FGF7: variants seen among roughly 807,000 people sequenced by gnomAD.
FGF7 encodes fibroblast growth factor 7.
Under a neutral mutation model 20.5 loss-of-function variants are expected in FGF7, and 6 were observed. The observed-to-expected ratio is 0.29, with a 90% CI of 0.16 to 0.58. The LOEUF is 0.58. Ranked by LOEUF, FGF7 falls within the 20% of genes least tolerant of loss-of-function variation. The probability of loss-of-function intolerance (pLI) is 0.90; values close to 1 mark genes in which losing one functional copy is unlikely to be tolerated. For synonymous variants in FGF7, 64 were observed against 74.7 expected, an observed-to-expected ratio of 0.86 and a Z score of 0.74; for missense variants, 144 against 228.8, an observed-to-expected ratio of 0.63 and a Z score of 2.39.
chr15:49,456,139 TTTGA>T (rs1392486666), intron 2 of FGF7, among the ~76,000 whole-genome samples: 2 of 152,170 alleles, frequency 1.3e-5, no homozygotes, highest in Non-Finnish European at 2.9e-5. Flanking sequence ...GTTAAACACA[TTTGA>T]TTGAGATTTT....
Position 49,486,146 on chromosome 15 carries a change from T to C in FGF7, c.*1642T>C, listed in dbSNP as rs1463470988. 2.0e-5 allele frequency: 3 copies of C among 152,096 alleles called. No individual in the cohort carries two copies. Among genetic ancestry groups the C allele is most frequent in the Non-Finnish European group, 4.4e-5 (3 of 67,966 alleles). 9.4% of individuals were successfully genotyped at this position (152,096 alleles called of 1,614,324 possible). A position where few individuals can be genotyped will look rare whatever the true frequency, so the allele number is the denominator to read the frequency against. ...AACCACTGTGGTTTTAATTTCAAAA[T>C]ATTTGTCATTCAAGTCCCTTTACAT... On this transcript the variant is annotated 3_prime_UTR_variant, in exon 4 of 4. Transcript: ENST00000267843.
intron 2 of FGF7, among the ~76,000 whole-genome samples, chr15:49,437,555 C>T (rs934121304): frequency 6.6e-6 from 1 of 151,594 alleles, no homozygotes; most frequent in Non-Finnish European, 1.5e-5. Flanking sequence ...AATCATATCT[C>T]TGTTTCTCAA....
In FGF7 at chr15:49,480,804, A is replaced by G. The variant is rs141220015; in HGVS notation, c.287-2347A>G. ...AGCCATCCCCTTTGTAAAGTGCAGT[A>G]AAGAAACAGTGGGCAATAGACAGGC... On this transcript the variant is annotated intron_variant, in intron 2 of 3. Transcript: ENST00000267843. Among the ~76,000 whole-genome samples the G allele has an allele frequency of 1.7e-3, 259 of 152,268 alleles. 1 individual carries two copies. Among genetic ancestry groups the G allele is most frequent in the Admixed American group, 0.011 (165 of 15,282 alleles).
chr15:49,436,981 C>T (rs2051162788), intron 2 of FGF7, among the ~76,000 whole-genome samples: 1 of 151,598 alleles, frequency 6.6e-6, no homozygotes, highest in Non-Finnish European at 1.5e-5. Context: ...ATCCATCTGT[C>T]TTCCCCTGAG....
At chr15:49,469,080 A>C (rs1326060714) in intron 2 of FGF7, among the ~76,000 whole-genome samples, 5 of 152,212 alleles carry the variant, frequency 3.3e-5, no homozygotes, top group African/African-American at 1.2e-4. Flanking sequence ...GGTAACTTAT[A>C]CAAGTTGTTT....
At chr15:49,431,774 A>T (rs1377406875) in intron 2 of FGF7, among the ~76,000 whole-genome samples, 1 of 151,806 alleles carries the variant, frequency 6.6e-6, no homozygotes, top group African/African-American at 2.4e-5. Context: ...ATCTTCTGTA[A>T]ACTTAAAATG....
chr15:49,468,037 T>A (rs1265585080), intron 2 of FGF7, among the ~76,000 whole-genome samples: 2 of 152,316 alleles, frequency 1.3e-5, no homozygotes, highest in East Asian at 1.9e-4. Context: ...CTGCTGCAAC[T>A]TAAATTCTTT....
chr15:49,436,572 C>A (rs2051125900), intron 2 of FGF7, among the ~76,000 whole-genome samples: 1 of 151,552 alleles, frequency 6.6e-6, no homozygotes, highest in Admixed American at 6.6e-5. Context: ...GTGTGCCTGG[C>A]ACTGTGTTAA....
At chr15:49,427,007 CT>C (rs1005010296) in intron 2 of FGF7, among the ~76,000 whole-genome samples, 1 of 151,734 alleles carries the variant, frequency 6.6e-6, no homozygotes, top group South Asian at 2.1e-4. Flanking sequence ...ATAAGCCACT[CT>C]TTTTTTTCTA....
chr15:49,447,862 C>A (rs1286434924), intron 2 of FGF7, among the ~76,000 whole-genome samples: 1 of 151,600 alleles, frequency 6.6e-6, no homozygotes, highest in East Asian at 1.9e-4. Flanking sequence ...ATTGAATAAA[C>A]AATAGGTTTG....
Position 49,424,567 on chromosome 15 carries a change from G to A in FGF7, c.270G>A (p.Glu90=). 1.3e-6 allele frequency: 2 copies of A among 1,583,302 alleles called. No individual in the cohort carries two copies. The highest frequency in any genetic ancestry group is 1.7e-6 in the Non-Finnish European group (2 of 1,162,984). Residue 90 remains glutamate (E), a synonymous_variant, in exon 2 of 4, where the codon GAG becomes GAA. Coordinates refer to ENST00000267843, the MANE Select transcript of FGF7 (RefSeq NM_002009.4). The part of the protein sequence containing the change: ...DKRGKVKGTQ[E]MKNNYNIMEI... ...GAGGCAAAGTAAAAGGGACCCAAGAGATGAAGAATAATTACAGTAAGTAAT... is the reference window on the plus strand; with the variant it reads ...GAGGCAAAGTAAAAGGGACCCAAGAAATGAAGAATAATTACAGTAAGTAAT...
At chr15:49,443,526 A>T (rs1366326686) in intron 2 of FGF7, among the ~76,000 whole-genome samples, 5 of 151,258 alleles carry the variant, frequency 3.3e-5, no homozygotes, top group African/African-American at 1.2e-4. Flanking sequence ...AATAATGTAG[A>T]TTAAACTTAA....
chr15:49,446,466 T>C (rs2052223565), intron 2 of FGF7, among the ~76,000 whole-genome samples: 1 of 151,504 alleles, frequency 6.6e-6, no homozygotes, highest in African/African-American at 2.4e-5. Context: ...AAAGGAGTGA[T>C]AAGGAGACTG....
intron 2 of FGF7, among the ~76,000 whole-genome samples, chr15:49,464,871 T>G (rs1462778468): frequency 2.6e-5 from 4 of 152,108 alleles, no homozygotes; most frequent in African/African-American, 9.7e-5. Context: ...ATCCTGCAAT[T>G]AGAATGAATA....
rs556212842 is a variant in FGF7 at position 49,443,749 on chromosome 15, G to T, written c.286+19166G>T. 6.6e-5 allele frequency among the ~76,000 whole-genome samples: 10 copies of T among 151,756 alleles called. No homozygotes were observed. The South Asian group carries it at 2.1e-3, about 31-fold the overall frequency. ...AACAAATATTATTGTCAGAACTATA[G>T]TTGTTCCTCTATTACAACCATGGTT... On this transcript the variant is annotated intron_variant, in intron 2 of 3. Transcript: ENST00000267843.
chr15:49,470,082 G>T (rs2054601220), intron 2 of FGF7, among the ~76,000 whole-genome samples: 1 of 151,942 alleles, frequency 6.6e-6, no homozygotes, highest in South Asian at 2.1e-4. Context: ...AATCAAAATG[G>T]GACATTCTAA....
At chr15:49,434,572 G>A (rs1387109363) in intron 2 of FGF7, 4 of 151,594 alleles carry the variant, frequency 2.6e-5, no homozygotes, top group Non-Finnish European at 5.9e-5. Flanking sequence ...TTTTGTAGAT[G>A]TTTGGTAGTA....
At chr15:49,471,731 C>T (rs2054790911) in intron 2 of FGF7, among the ~76,000 whole-genome samples, 1 of 151,968 alleles carries the variant, frequency 6.6e-6, no homozygotes, top group South Asian at 2.1e-4. Context: ...TCCAGAAAAG[C>T]TAGCTGACAT....
At chr15:49,467,028 G>A (rs1276489337) in intron 2 of FGF7, among the ~76,000 whole-genome samples, 1 of 152,100 alleles carries the variant, frequency 6.6e-6, no homozygotes, top group Non-Finnish European at 1.5e-5. Context: ...AAACCAAAAT[G>A]TTTAGAATTA....
Sources: gnomAD v4.1 joint callset for allele counts (sites outside exome capture counted in the v4.1 genomes callset) on GRCh38, gnomAD v4.1.1 for gene constraint, MANE v1.5 for transcripts, NCBI Gene and HGNC (gene_info 2026-07-23, HGNC 2026-07-21) for gene names.